KPNB1: variants seen among roughly 807,000 people sequenced by gnomAD.
The protein encoded by KPNB1 is importin subunit beta-1.
A neutral mutation model predicts 113.0 loss-of-function variants in KPNB1; 7 were observed. That is an observed-to-expected ratio of 0.06 (90% CI 0.04 to 0.12). The LOEUF (loss-of-function observed/expected upper bound fraction) is 0.12. Ranked by LOEUF, KPNB1 falls within the 10% of genes least tolerant of loss-of-function variation. The pLI is 1.00. For missense variants in KPNB1, 400 were observed against 1,054.8 expected, an observed-to-expected ratio of 0.38 and a Z score of 8.60; for synonymous variants, 363 against 378.6, an observed-to-expected ratio of 0.96 and a Z score of 0.48.
chr17:47,670,787 C>T lies in KPNB1; in HGVS notation c.1502C>T (p.Ser501Phe). The change falls in exon 12 of 22, where the codon TCT becomes TTT. Residue 501 changes from serine to phenylalanine, a missense_variant. By Grantham distance (155) the Ser-to-Phe change is radical. Transcript: ENST00000290158. Reference sequence around the variant, plus strand: ...GAACCAGCTACTTACTGCTTATCTTCTTCATTTGAACTCATAGTTCAGAAG... The same window carrying T: ...GAACCAGCTACTTACTGCTTATCTTTTTCATTTGAACTCATAGTTCAGAAG... ...QEEPATYCLSSSFELIVQKLL... is the reference protein window; with the variant it reads ...QEEPATYCLSFSFELIVQKLL... The T allele has an allele frequency of 6.2e-7, 1 of 1,612,972 alleles. No homozygotes were observed. Among genetic ancestry groups the T allele is most frequent in the East Asian group, 2.2e-5 (1 of 44,870 alleles).
chr17:47,650,037 T>G lies in KPNB1; in HGVS notation c.-208T>G. On this transcript the variant is annotated 5_prime_UTR_variant, in exon 1 of 22. Coordinates refer to ENST00000290158, the MANE Select transcript of KPNB1 (RefSeq NM_002265.6). The stretch of plus-strand genomic sequence containing the variant: ...TCCCTCCCCCGCCGCCAGCAGCCCA[T>G]TTGGAGGGAGGAAGTAAGGGAAGAG... 112 of 1,324,846 alleles carry G rather than the reference T, an allele frequency of 8.5e-5. No individual in the cohort carries two copies. Among genetic ancestry groups the G allele is most frequent in the East Asian group, 6.7e-4 (20 of 29,892 alleles). The allele number at this position is 1,324,846 out of a possible 1,614,324, so 82.1% of individuals were successfully genotyped here.
At chr17:47,673,852 C>G (rs865820460) in intron 14 of KPNB1, 2 of 343,250 alleles carry the variant, frequency 5.8e-6, no homozygotes, top group Non-Finnish European at 1.1e-5. Flanking sequence ...CTCCTCAGAC[C>G]TCTCTTCCTC....
rs375360850 is a variant in KPNB1 at position 47,658,600 on chromosome 17, A to G, written c.576A>G (p.Leu192=). The G allele has an allele frequency of 1.4e-5, 22 of 1,613,918 alleles. No homozygotes were observed. The highest frequency in any genetic ancestry group is 1.9e-5 in the Non-Finnish European group (22 of 1,180,020). Residue 192 remains leucine (L), a synonymous_variant, in exon 5 of 22, where the codon CTA becomes CTG. Coordinates refer to ENST00000290158, the MANE Select transcript of KPNB1 (RefSeq NM_002265.6). ...AAGAGCCTAGTAATAATGTGAAGCT[A>G]GCTGCTACGAATGCACTCCTGAACT... The part of the protein sequence containing the change: ...RKEEPSNNVK[L]AATNALLNSL...
At chr17:47,680,214 G>A in intron 20 of KPNB1, 80 bp downstream of exon 20, 1 of 1,033,758 alleles carries the variant, frequency 9.7e-7, no homozygotes, top group Non-Finnish European at 1.5e-6. Context: ...AGTTTTGAGA[G>A]TATCGCGGAT....
At chr17:47,650,568 T>TCCCCCC in intron 2 of KPNB1, 124 bp downstream of exon 2, 1 of 401,554 alleles carries the variant, frequency 2.5e-6, no homozygotes, top group Non-Finnish European at 4.3e-6. Context: ...CCCTCCCCCC[T>TCCCCCC]CCCCCTCCCC....
At chr17:47,673,589 C>T in intron 14 of KPNB1, 28 bp downstream of exon 14, 1 of 1,530,922 alleles carries the variant, frequency 6.5e-7, no homozygotes, top group Non-Finnish European at 9.1e-7. Context: ...GACTTAATAA[C>T]TCCAGGTTGG....
At chr17:47,665,267 CTGT>C in intron 9 of KPNB1, 109 bp downstream of exon 9, 1 of 820,388 alleles carries the variant, frequency 1.2e-6, no homozygotes, top group Non-Finnish European at 2.0e-6. Context: ...ATTTGATGTT[CTGT>C]TGTTGATGAC....
At chr17:47,680,811 C>A in intron 21 of KPNB1, 142 bp downstream of exon 21, 1 of 785,398 alleles carries the variant, frequency 1.3e-6, no homozygotes, top group Non-Finnish European at 2.0e-6. Flanking sequence ...CTGAGTCAGG[C>A]AGCCTCAGTT....
chr17:47,661,357 A>AG (rs2143114504), intron 6 of KPNB1, among the ~76,000 whole-genome samples, 179 bp downstream of exon 6: 1 of 151,920 alleles, frequency 6.6e-6, no homozygotes, highest in Non-Finnish European at 1.5e-5. Context: ...CCCAGCACTT[A>AG]GGGAGGCCAT....
At chr17:47,658,318 G>A (rs1203315912) in intron 4 of KPNB1, among the ~76,000 whole-genome samples, 190 bp from the exon 5 acceptor site, 1 of 152,084 alleles carries the variant, frequency 6.6e-6, no homozygotes, top group Non-Finnish European at 1.5e-5. Flanking sequence ...TTAATAGTTG[G>A]TATACTGTAT....
Position 47,682,682 on chromosome 17 carries a change from A to G in KPNB1, c.*278A>G, listed in dbSNP as rs1359495049. The G allele has an allele frequency of 3.0e-5, 15 of 494,298 alleles. No homozygotes were observed. Among genetic ancestry groups the G allele is most frequent in the Non-Finnish European group, 5.4e-5 (15 of 279,254 alleles). The allele number at this position is 494,298 out of a possible 1,614,324, so 30.6% of individuals were successfully genotyped here. A position where few individuals can be genotyped will look rare whatever the true frequency, so the allele number is the denominator to read the frequency against. On this transcript the variant is annotated 3_prime_UTR_variant, in exon 22 of 22. Transcript: ENST00000290158. ...GAAAAACAATGGAGTTACTTATTTAAAAAAAAAGAAAGAAAGTTATCTCTT... is the reference window on the plus strand; with the variant it reads ...GAAAAACAATGGAGTTACTTATTTAGAAAAAAAGAAAGAAAGTTATCTCTT...
rs1440616319 is a variant in KPNB1, at chr17:47,683,888, ATG to A, written c.*1487_*1488del. On this transcript the variant is annotated 3_prime_UTR_variant, in exon 22 of 22. Transcript: ENST00000290158. The stretch of plus-strand genomic sequence containing the variant: ...ACTTGAATATTTTTTTAGAAGTGTG[ATG>A]TGGTATGATTACCATAAATCAGACT... 4.6e-5 allele frequency: 7 copies of A among 152,324 alleles called. No individual in the cohort carries two copies. The highest frequency in any genetic ancestry group is 1.0e-4 in the Non-Finnish European group (7 of 68,028). 9.4% of individuals were successfully genotyped at this position (152,324 alleles called of 1,614,324 possible). A position where few individuals can be genotyped will look rare whatever the true frequency, so the allele number is the denominator to read the frequency against.
At chr17:47,671,304 G>A (rs961014161) in intron 12 of KPNB1, among the ~76,000 whole-genome samples, 1 of 152,168 alleles carries the variant, frequency 6.6e-6, no homozygotes, top group Non-Finnish European at 1.5e-5. Context: ...TAAAGATGGA[G>A]AAAGAAATGC....
In KPNB1 at chr17:47,676,508, A is replaced by G; in HGVS notation, c.1995+17A>G. 6.4e-7 allele frequency: 1 copy of G among 1,572,110 alleles called. No individual in the cohort carries two copies. The highest frequency in any genetic ancestry group is 1.3e-5 in the African/African-American group (1 of 74,250). ...GAATACCAGGTAGGATGTGCTTTTC[A>G]AAATAGTATGTTCCCATTTATATCT... On this transcript the variant is annotated intron_variant, in intron 16 of 21. Transcript: ENST00000290158.
chr17:47,674,237 G>A (rs1170700636), intron 14 of KPNB1, among the ~76,000 whole-genome samples: 1 of 152,174 alleles, frequency 6.6e-6, no homozygotes, highest in Non-Finnish European at 1.5e-5. Flanking sequence ...AAATAGGTAG[G>A]ATATAGGAAG....
intron 6 of KPNB1, among the ~76,000 whole-genome samples, chr17:47,661,728 A>G (rs1218972086): frequency 1.3e-5 from 2 of 152,186 alleles, no homozygotes; most frequent in African/African-American, 4.8e-5. Flanking sequence ...AAGCAGGAGG[A>G]TCACTGAGGT....
intron 4 of KPNB1, among the ~76,000 whole-genome samples, chr17:47,657,892 T>C (rs1023240909): frequency 2.0e-5 from 3 of 152,202 alleles, no homozygotes; most frequent in African/African-American, 7.2e-5. Context: ...CAATTCATGA[T>C]ACTTTCTTGA....
rs1177203554 is a variant in KPNB1 at position 47,684,080 on chromosome 17, TA to T, written c.*1680del. 6.6e-6 allele frequency: 1 copy of T among 152,196 alleles called. No individual in the cohort carries two copies. The highest frequency in any genetic ancestry group is 6.5e-5 in the Admixed American group (1 of 15,286). The allele number at this position is 152,196 out of a possible 1,614,324, so 9.4% of individuals were successfully genotyped here. The stretch of plus-strand genomic sequence containing the variant: ...GCTTTCAGAAAAACCAAGGAAGTTT[TA>T]AAATTGCTTCCTGGTCCTTAGAGGA... On this transcript the variant is annotated 3_prime_UTR_variant, in exon 22 of 22. Coordinates refer to ENST00000290158, the MANE Select transcript of KPNB1 (RefSeq NM_002265.6).
In KPNB1 at chr17:47,684,726, A is replaced by G. The variant is rs1291508873; in HGVS notation, c.*2322A>G. 6.6e-6 allele frequency: 1 copy of G among 152,464 alleles called. No individual in the cohort carries two copies. Among genetic ancestry groups the G allele is most frequent in the Non-Finnish European group, 1.5e-5 (1 of 68,046 alleles). The allele number at this position is 152,464 out of a possible 1,614,324, so 9.4% of individuals were successfully genotyped here. A position where few individuals can be genotyped will look rare whatever the true frequency, so the allele number is the denominator to read the frequency against. On this transcript the variant is annotated 3_prime_UTR_variant, in exon 22 of 22. Transcript: ENST00000290158. Reference sequence around the variant, plus strand: ...AGGGAAGCAGTTGATGAGTGCTGTTACTAATGCTTTCTCCCAGATCCATTC... The same window carrying G: ...AGGGAAGCAGTTGATGAGTGCTGTTGCTAATGCTTTCTCCCAGATCCATTC...
Sources: allele counts gnomAD v4.1 joint callset (sites outside exome capture counted in the v4.1 genomes callset), GRCh38; gene constraint gnomAD v4.1.1; transcripts MANE v1.5; gene names NCBI Gene and HGNC (gene_info 2026-07-23, HGNC 2026-07-21).